The following CLSTN2 variants were observed in gnomAD, a reference collection of about 807,000 sequenced individuals.
CLSTN2 encodes calsyntenin 2, also known as calsyntenin-2.
Under a neutral mutation model 101.2 loss-of-function variants are expected in CLSTN2, and 48 were observed. The observed-to-expected ratio is 0.47, with a 90% CI of 0.38 to 0.60. The LOEUF (loss-of-function observed/expected upper bound fraction) is 0.60. Among genes scored for constraint, CLSTN2 ranks in the 20% least tolerant of loss-of-function variants. The pLI is 0.00. For missense variants in CLSTN2, 1,160 were observed against 1,238.2 expected (o/e 0.94, Z 0.95); for synonymous variants, 481 against 463.6 (o/e 1.04, Z -0.48).
At chr3:140,437,941 T>C (rs1431795756) in intron 5 of CLSTN2, among the ~76,000 whole-genome samples, 2 of 152,204 alleles carry the variant, frequency 1.3e-5, no homozygotes, top group Admixed American at 1.3e-4. Context: ...TATGTCGTAT[T>C]TATTCCCCCA....
At chr3:139,962,274 G>A (rs969947246) in intron 1 of CLSTN2, among the ~76,000 whole-genome samples, 35 of 151,980 alleles carry the variant, frequency 2.3e-4, no homozygotes, top group Non-Finnish European at 2.5e-4. Flanking sequence ...ATTTTTAACA[G>A]GTTTAATTAG....
At chr3:140,133,845 G>A (rs1287209345) in intron 1 of CLSTN2, among the ~76,000 whole-genome samples, 4 of 152,196 alleles carry the variant, frequency 2.6e-5, no homozygotes, top group Non-Finnish European at 5.9e-5. Flanking sequence ...CCTGCCCTGA[G>A]CAGTAGCCTG....
chr3:140,499,494 G>C (rs1203352682), intron 8 of CLSTN2, among the ~76,000 whole-genome samples: 2 of 152,084 alleles, frequency 1.3e-5, no homozygotes, highest in Non-Finnish European at 2.9e-5. Flanking sequence ...TCTTTTTCTG[G>C]GCTGAGAATT....
chr3:140,019,901 C>T (rs1342669093), intron 1 of CLSTN2, among the ~76,000 whole-genome samples: 1 of 152,032 alleles, frequency 6.6e-6, no homozygotes, highest in East Asian at 1.9e-4. Context: ...ATGCTGGTGC[C>T]TGAGGGTGCA....
chr3:140,087,787 A>G (rs1282904722), intron 1 of CLSTN2, among the ~76,000 whole-genome samples: 1 of 152,184 alleles, frequency 6.6e-6, no homozygotes, highest in Non-Finnish European at 1.5e-5. Flanking sequence ...TTCTCAGAGG[A>G]GGTGAATTTT....
intron 5 of CLSTN2, among the ~76,000 whole-genome samples, chr3:140,436,661 G>A (rs1336136050): frequency 2.0e-5 from 3 of 152,222 alleles, no homozygotes; most frequent in Non-Finnish European, 4.4e-5. Flanking sequence ...CAGCAGGCAT[G>A]GACAGTGGGG....
intron 2 of CLSTN2, among the ~76,000 whole-genome samples, chr3:140,231,556 G>A (rs11714400): frequency 3.0e-3 from 452 of 152,190 alleles, no homozygotes; most frequent in Middle Eastern, 0.02. Flanking sequence ...CTCAGGTGTG[G>A]AAAAGTACTC....
intron 2 of CLSTN2, among the ~76,000 whole-genome samples, chr3:140,233,642 G>T (rs1174985560): frequency 6.6e-6 from 1 of 152,174 alleles, no homozygotes; most frequent in Non-Finnish European, 1.5e-5. Flanking sequence ...AGTTTTCCCT[G>T]CCATAAATGG....
intron 1 of CLSTN2, among the ~76,000 whole-genome samples, chr3:140,100,944 C>T (rs2008955920): frequency 6.6e-6 from 1 of 152,242 alleles, no homozygotes; most frequent in Middle Eastern, 3.4e-3. Flanking sequence ...AGCATTGTTG[C>T]TGTCCCTTGT....
chr3:140,252,579 G>T lies in CLSTN2; in HGVS notation c.232+76506G>T, dbSNP rs974897285. ...TCTTTATTTGCCAAAATCAGGCTCAGCTCCCTTCTCTGGAACATATATGGG... is the reference window on the plus strand; with the variant it reads ...TCTTTATTTGCCAAAATCAGGCTCATCTCCCTTCTCTGGAACATATATGGG... On this transcript the variant is annotated intron_variant, in intron 2 of 16. Coordinates refer to ENST00000458420, the MANE Select transcript of CLSTN2 (RefSeq NM_022131.3). 3.3e-5 allele frequency among the ~76,000 whole-genome samples: 5 copies of T among 152,284 alleles called. No homozygotes were observed. In the East Asian group the frequency reaches 9.6e-4, roughly 29 times the overall value.
intron 4 of CLSTN2, among the ~76,000 whole-genome samples, chr3:140,411,087 T>C (rs550839021): frequency 2.5e-4 from 38 of 152,292 alleles, no homozygotes; most frequent in Middle Eastern, 3.4e-3. Context: ...TCTTGACCTA[T>C]CAATAATTAC....
At chr3:140,171,291 C>T (rs531637009) in intron 1 of CLSTN2, among the ~76,000 whole-genome samples, 1 of 152,202 alleles carries the variant, frequency 6.6e-6, no homozygotes, top group Non-Finnish European at 1.5e-5. Flanking sequence ...CTTCTCTCTG[C>T]CCTGGGCATG....
chr3:140,173,233 G>A (rs1302979723), intron 1 of CLSTN2, among the ~76,000 whole-genome samples: 13 of 152,142 alleles, frequency 8.5e-5, no homozygotes, highest in Non-Finnish European at 1.3e-4. Flanking sequence ...GGGCTACAGG[G>A]CCCATGCAAG....
intron 2 of CLSTN2, among the ~76,000 whole-genome samples, chr3:140,313,567 T>G (rs927428769): frequency 3.5e-4 from 53 of 152,186 alleles, no homozygotes; most frequent in African/African-American, 1.2e-3. Flanking sequence ...CGGTCACTGC[T>G]TTGGAAGACT....
chr3:140,339,052 G>A lies in CLSTN2; in HGVS notation c.233-64577G>A, dbSNP rs183180412. ...AGTGGCTCACCTGGGTGAAGCTGCC[G>A]TGTGCTGGCAGACGTGACCCACAGC... On this transcript the variant is annotated intron_variant, in intron 2 of 16. Coordinates refer to ENST00000458420, the MANE Select transcript of CLSTN2 (RefSeq NM_022131.3). Among the ~76,000 whole-genome samples, 398 of 152,306 alleles carry A rather than the reference G, an allele frequency of 2.6e-3. 1 individual carries two copies. Among genetic ancestry groups the A allele is most frequent in the African/African-American group, 8.3e-3 (346 of 41,566 alleles).
At chr3:140,408,717 C>T (rs2088331917) in intron 4 of CLSTN2, among the ~76,000 whole-genome samples, 1 of 152,172 alleles carries the variant, frequency 6.6e-6, no homozygotes, top group Admixed American at 6.5e-5. Context: ...GTTGTAGACA[C>T]CCCAACCCAG....
rs576080092 is a variant in CLSTN2 at position 139,939,065 on chromosome 3, A to G, written c.109+3582A>G. Among the ~76,000 whole-genome samples, 6 of 152,276 alleles carry G rather than the reference A, an allele frequency of 3.9e-5. No individual in the cohort carries two copies. The South Asian group carries it at 1.2e-3, about 32-fold the overall frequency. ...GAGTGGCAGCGGAGAGAATTTGTCCAAAGTATAGTATTGACTGTGATAGAG... is the reference window on the plus strand; with the variant it reads ...GAGTGGCAGCGGAGAGAATTTGTCCGAAGTATAGTATTGACTGTGATAGAG... On this transcript the variant is annotated intron_variant, in intron 1 of 16. Coordinates refer to ENST00000458420, the MANE Select transcript of CLSTN2 (RefSeq NM_022131.3).
At chr3:140,484,698 A>C (rs923754597) in intron 8 of CLSTN2, among the ~76,000 whole-genome samples, 5 of 151,308 alleles carry the variant, frequency 3.3e-5, no homozygotes, top group Admixed American at 6.6e-5. Flanking sequence ...TCTCTTCTCC[A>C]TTTCATTCAT....
chr3:140,273,601 C>T (rs1271615219), intron 2 of CLSTN2, among the ~76,000 whole-genome samples: 1 of 152,164 alleles, frequency 6.6e-6, no homozygotes, highest in African/African-American at 2.4e-5. Context: ...AAGTGAACCA[C>T]CGTGTCAGAG....
Sources: gnomAD v4.1 joint callset for allele counts (sites outside exome capture counted in the v4.1 genomes callset) on GRCh38, gnomAD v4.1.1 for gene constraint, MANE v1.5 for transcripts, NCBI Gene and HGNC (gene_info 2026-07-23, HGNC 2026-07-21) for gene names.